The following JAZF1 variants were observed in gnomAD, a reference collection of about 807,000 sequenced individuals.
JAZF1 encodes the protein JAZF zinc finger 1.
JAZF1 carries 8 observed loss-of-function variants against 26.4 expected under a neutral mutation model. That is an observed-to-expected ratio of 0.30 (90% CI 0.18 to 0.55). JAZF1 has a LOEUF of 0.55. Among genes scored for constraint, JAZF1 ranks in the 20% least tolerant of loss-of-function variants. JAZF1 has a pLI of 0.94. For synonymous variants in JAZF1, 126 were observed against 122.3 expected (o/e 1.03, Z -0.20); for missense variants, 199 against 322.0 (o/e 0.62, Z 2.92).
intron 2 of JAZF1, among the ~76,000 whole-genome samples, chr7:27,911,597 A>G (rs566651342): frequency 3.1e-4 from 47 of 152,340 alleles, no homozygotes; most frequent in African/African-American, 1.1e-3. Flanking sequence ...ACATATGGCT[A>G]AGGGCTACCA....
intron 1 of JAZF1, among the ~76,000 whole-genome samples, chr7:28,158,182 C>G (rs1331221282): frequency 6.7e-5 from 7 of 104,998 alleles, no homozygotes; most frequent in African/African-American, 3.2e-4. Context: ...CACACACACA[C>G]ACACAGAGAG....
At chr7:27,845,603 A>G (rs1425482905) in intron 3 of JAZF1, among the ~76,000 whole-genome samples, 1 of 150,862 alleles carries the variant, frequency 6.6e-6, no homozygotes, top group Non-Finnish European at 1.5e-5. Context: ...AGGCTGAGGC[A>G]GGAGAATCGC....
At position 28,068,862 on chromosome 7, in the gene JAZF1, C is replaced by T. The variant is rs544503094; in HGVS notation, c.116-76881G>A. Among the ~76,000 whole-genome samples the T allele has an allele frequency of 3.2e-3, 493 of 152,268 alleles. 1 individual carries two copies. The highest frequency in any genetic ancestry group is 0.011 in the African/African-American group (469 of 41,554). ...TGGAATTGCAGAAAAGCTGGCTCTG[C>T]AGCAAAGGGAGATGGTTTAGGCCAC... On this transcript the variant is annotated intron_variant, in intron 1 of 4. Transcript: ENST00000283928.
At chr7:27,899,587 C>T (rs751288915) in intron 2 of JAZF1, among the ~76,000 whole-genome samples, 5 of 151,962 alleles carry the variant, frequency 3.3e-5, no homozygotes, top group East Asian at 1.9e-4. Context: ...GGCACGCCCC[C>T]CCATGCCCAG....
chr7:27,896,409 T>C (rs998665969), intron 2 of JAZF1, among the ~76,000 whole-genome samples: 1 of 152,162 alleles, frequency 6.6e-6, no homozygotes, highest in Non-Finnish European at 1.5e-5. Context: ...GCATAGTCCA[T>C]AAATGTATGA....
intron 1 of JAZF1, among the ~76,000 whole-genome samples, chr7:28,122,567 T>C (rs950275837): frequency 6.6e-6 from 1 of 152,046 alleles, no homozygotes; most frequent in African/African-American, 2.4e-5. Flanking sequence ...CCCAGATCTG[T>C]GAAGGAGAAG....
At chr7:28,057,715 T>C (rs1783734783) in intron 1 of JAZF1, among the ~76,000 whole-genome samples, 1 of 152,216 alleles carries the variant, frequency 6.6e-6, no homozygotes, top group African/African-American at 2.4e-5. Context: ...ATTTTCCCAT[T>C]GTGTCTAAGA....
At chr7:28,065,874 C>T (rs1316114829) in intron 1 of JAZF1, among the ~76,000 whole-genome samples, 4 of 152,204 alleles carry the variant, frequency 2.6e-5, no homozygotes, top group East Asian at 1.9e-4. Flanking sequence ...CCAAACAGTG[C>T]GCATTTTAGA....
chr7:28,140,367 GC>G (rs1292374215), intron 1 of JAZF1, among the ~76,000 whole-genome samples: 1 of 152,144 alleles, frequency 6.6e-6, no homozygotes, highest in Admixed American at 6.5e-5. Flanking sequence ...ACAGGCATGA[GC>G]CACCATGCCC....
intron 1 of JAZF1, among the ~76,000 whole-genome samples, chr7:28,062,523 T>A (rs138398586): frequency 1.2e-3 from 188 of 150,528 alleles, no homozygotes; most frequent in Admixed American, 2.4e-3. Flanking sequence ...ACACAGACCC[T>A]GCATGCTGCA....
intron 1 of JAZF1, among the ~76,000 whole-genome samples, chr7:28,109,995 A>G (rs1375546318): frequency 2.0e-5 from 3 of 152,264 alleles, no homozygotes; most frequent in Non-Finnish European, 4.4e-5. Context: ...TACAAACTAC[A>G]CTAGATATTT....
intron 1 of JAZF1, among the ~76,000 whole-genome samples, chr7:28,054,961 GC>G (rs1307612850): frequency 6.6e-6 from 1 of 152,046 alleles, no homozygotes; most frequent in Non-Finnish European, 1.5e-5. Context: ...CAATATAGGT[GC>G]TGGCAATGTG....
intron 1 of JAZF1, among the ~76,000 whole-genome samples, chr7:28,083,652 C>G (rs1204327315): frequency 6.6e-6 from 1 of 152,086 alleles, no homozygotes; most frequent in Non-Finnish European, 1.5e-5. Flanking sequence ...GTGCTACAAA[C>G]TTCTTTATCA....
intron 1 of JAZF1, among the ~76,000 whole-genome samples, chr7:28,051,061 G>A (rs1283775707): frequency 6.7e-6 from 1 of 148,868 alleles, no homozygotes; most frequent in Admixed American, 6.7e-5. Flanking sequence ...GAACCTGGGA[G>A]GTGGAGGTTG....
chr7:28,124,714 A>G (rs762455046), intron 1 of JAZF1, among the ~76,000 whole-genome samples: 9 of 152,176 alleles, frequency 5.9e-5, no homozygotes, highest in Admixed American at 2.0e-4. Context: ...TCACCATTCT[A>G]ACTAAGTTAA....
At chr7:28,032,070 G>C (rs1457916438) in intron 1 of JAZF1, among the ~76,000 whole-genome samples, 1 of 152,112 alleles carries the variant, frequency 6.6e-6, no homozygotes, top group East Asian at 1.9e-4. Flanking sequence ...GTGAAGACTG[G>C]GGCTGGTTCT....
rs1783270724 is a variant in JAZF1, at chr7:28,160,692, G to A, written c.115+19771C>T. On this transcript the variant is annotated intron_variant, in intron 1 of 4. Coordinates refer to ENST00000283928, the MANE Select transcript of JAZF1 (RefSeq NM_175061.4). Reference sequence around the variant, plus strand: ...ATGATCTCCACCAGCTGTGTTTTAGGAAGGTCACGATATATTTATCGAAAC... The same window carrying A: ...ATGATCTCCACCAGCTGTGTTTTAGAAAGGTCACGATATATTTATCGAAAC... Among the ~76,000 whole-genome samples the A allele has an allele frequency of 5.9e-5, 9 of 152,286 alleles. No individual in the cohort carries two copies. In the South Asian group the frequency reaches 1.9e-3, roughly 32 times the overall value.
At chr7:28,136,474 G>A (rs1470648584) in intron 1 of JAZF1, among the ~76,000 whole-genome samples, 2 of 152,264 alleles carry the variant, frequency 1.3e-5, no homozygotes, top group Non-Finnish European at 2.9e-5. Flanking sequence ...CAACAAGGAT[G>A]AGTCTAGAAA....
At chr7:27,940,418 G>A (rs1362539048) in intron 2 of JAZF1, among the ~76,000 whole-genome samples, 2 of 152,074 alleles carry the variant, frequency 1.3e-5, no homozygotes, top group African/African-American at 4.8e-5. Flanking sequence ...TCAGTGTAAT[G>A]CATCTTATTC....
Sources: gnomAD v4.1 joint callset for allele counts (sites outside exome capture counted in the v4.1 genomes callset) on GRCh38, gnomAD v4.1.1 for gene constraint, MANE v1.5 for transcripts, NCBI Gene and HGNC (gene_info 2026-07-23, HGNC 2026-07-21) for gene names.